Variants in CTNNA3 observed in about 807,000 individuals in gnomAD.
The protein encoded by CTNNA3 is catenin alpha 3.
A neutral mutation model predicts 95.7 loss-of-function variants in CTNNA3; 76 were observed. The observed-to-expected ratio is 0.79, with a 90% confidence interval of 0.66 to 0.96. CTNNA3 has a LOEUF of 0.96. Among genes scored for constraint, CTNNA3 ranks in the 40% least tolerant of loss-of-function variants. The pLI is 0.00. For missense variants in CTNNA3, 1,191 were observed against 1,089.8 expected (o/e 1.09, Z -1.31); for synonymous variants, 431 against 374.4 (o/e 1.15, Z -1.74).
chr10:67,655,300 C>T (rs73270185), intron 1 of CTNNA3, among the ~76,000 whole-genome samples: 13,169 of 152,162 alleles, frequency 0.087, 1,311 homozygotes, highest in African/African-American at 0.24. Context: ...TTTAGTGAAA[C>T]TCTATTTAGT....
intron 9 of CTNNA3, among the ~76,000 whole-genome samples, chr10:66,751,275 A>C (rs187210726): frequency 2.6e-5 from 4 of 152,102 alleles, no homozygotes; most frequent in African/African-American, 9.7e-5. Context: ...TGAAAAAAAA[A>C]ATTTCCACTT....
chr10:66,052,720 G>C (rs2079986072), intron 15 of CTNNA3, among the ~76,000 whole-genome samples: 1 of 152,028 alleles, frequency 6.6e-6, no homozygotes. Flanking sequence ...TTGAGGCAGG[G>C]TTGAGATTTT....
At chr10:66,351,124 A>G (rs997146459) in intron 12 of CTNNA3, among the ~76,000 whole-genome samples, 3 of 152,074 alleles carry the variant, frequency 2.0e-5, no homozygotes, top group African/African-American at 4.8e-5. Context: ...TTATGACAGA[A>G]TTCAGTGAAT....
intron 10 of CTNNA3, among the ~76,000 whole-genome samples, chr10:66,568,680 G>T (rs1460910943): frequency 6.6e-6 from 1 of 151,954 alleles, no homozygotes; most frequent in Admixed American, 6.6e-5. Flanking sequence ...AAGCTAGGGA[G>T]CAATAGAACC....
chr10:66,013,241 C>G (rs935537615), intron 15 of CTNNA3, among the ~76,000 whole-genome samples: 2 of 152,114 alleles, frequency 1.3e-5, no homozygotes, highest in Non-Finnish European at 2.9e-5. Flanking sequence ...ATATTATTTT[C>G]ATGAAATACA....
intron 13 of CTNNA3, among the ~76,000 whole-genome samples, chr10:66,245,091 G>A (rs2090259297): frequency 6.6e-6 from 1 of 152,184 alleles, no homozygotes; most frequent in South Asian, 2.1e-4. Flanking sequence ...TCCCATGCCT[G>A]CCAAGGGTGA....
intron 9 of CTNNA3, among the ~76,000 whole-genome samples, chr10:66,668,292 C>A (rs1846528872): frequency 6.6e-6 from 1 of 152,010 alleles, no homozygotes; most frequent in South Asian, 2.1e-4. Flanking sequence ...AATATGTCTG[C>A]AAAAAGTAGG....
Position 67,564,291 on chromosome 10 carries a change from A to C in CTNNA3, c.293-24622T>G, listed in dbSNP as rs558958598. 3.6e-4 allele frequency among the ~76,000 whole-genome samples: 54 copies of C among 149,788 alleles called. 2 individuals are homozygous for C. Among genetic ancestry groups the C allele is most frequent in the African/African-American group, 1.1e-3 (45 of 40,614 alleles). ...GGATTAAGAAAATGTGGCACATATA[A>C]TCCATGGAATACTATGCAGTCATAA... On this transcript the variant is annotated intron_variant, in intron 3 of 17. Coordinates refer to ENST00000433211, the MANE Select transcript of CTNNA3 (RefSeq NM_013266.4).
At chr10:66,161,633 C>T (rs1251759953) in intron 13 of CTNNA3, among the ~76,000 whole-genome samples, 1 of 152,152 alleles carries the variant, frequency 6.6e-6, no homozygotes, top group Non-Finnish European at 1.5e-5. Context: ...TCTTAAGAGT[C>T]TTTCTTTCAT....
chr10:67,728,116 T>A (rs975712133), intron 1 of CTNNA3, among the ~76,000 whole-genome samples: 8 of 143,110 alleles, frequency 5.6e-5, no homozygotes, highest in African/African-American at 1.8e-4. Context: ...TATACATAGG[T>A]GTATATATAA....
chr10:66,955,386 C>T (rs1298284964), intron 7 of CTNNA3, among the ~76,000 whole-genome samples: 1 of 152,150 alleles, frequency 6.6e-6, no homozygotes, highest in East Asian at 1.9e-4. Context: ...TGTATAATAT[C>T]TTATTCTCAC....
rs1199303745 is a variant in CTNNA3, at chr10:66,522,054, C to T, written c.1375-1281G>A. Among the ~76,000 whole-genome samples, 6 of 152,218 alleles carry T rather than the reference C, an allele frequency of 3.9e-5. No homozygotes were observed. In the East Asian group the frequency reaches 1.2e-3, roughly 29 times the overall value. On this transcript the variant is annotated intron_variant, in intron 10 of 17. Coordinates refer to ENST00000433211, the MANE Select transcript of CTNNA3 (RefSeq NM_013266.4). ...TCTATGGTGTTGGCTATTGCTTGTG[C>T]TATTAATCATTGGTTTCCTTCAATT... is the stretch of plus-strand genomic sequence containing the variant.
chr10:66,875,768 T>A (rs1844593007), intron 7 of CTNNA3, among the ~76,000 whole-genome samples: 1 of 152,204 alleles, frequency 6.6e-6, no homozygotes, highest in Non-Finnish European at 1.5e-5. Context: ...ATTCATGCAA[T>A]TATTGTGGAG....
At chr10:66,581,392 C>T (rs1589448664) in intron 10 of CTNNA3, among the ~76,000 whole-genome samples, 1 of 144,040 alleles carries the variant, frequency 6.9e-6, no homozygotes, top group Non-Finnish European at 1.5e-5. Flanking sequence ...TTCACCACGT[C>T]CACCCGAGCA....
At chr10:66,653,177 C>G (rs1845968410) in intron 9 of CTNNA3, among the ~76,000 whole-genome samples, 1 of 152,048 alleles carries the variant, frequency 6.6e-6, no homozygotes, top group Non-Finnish European at 1.5e-5. Context: ...AGTCAAATTG[C>G]CCCTCTTTGC....
intron 7 of CTNNA3, among the ~76,000 whole-genome samples, chr10:66,843,387 A>G (rs1464703418): frequency 1.3e-5 from 2 of 152,330 alleles, no homozygotes; most frequent in Admixed American, 6.5e-5. Flanking sequence ...GCATCCAGGT[A>G]TAAGAATCAG....
chr10:67,228,949 C>A lies in CTNNA3; in HGVS notation c.580-9079G>T, dbSNP rs754271561. ...TTCCACAAGATAGAGAAAGAAGGAA[C>A]CCTCCCTAATTCACTCTATGAAGCC... is the stretch of plus-strand genomic sequence containing the variant. On this transcript the variant is annotated intron_variant, in intron 5 of 17. Coordinates refer to ENST00000433211, the MANE Select transcript of CTNNA3 (RefSeq NM_013266.4). 6.6e-5 allele frequency among the ~76,000 whole-genome samples: 10 copies of A among 152,200 alleles called. No individual in the cohort carries two copies. The South Asian group carries it at 1.9e-3, about 28-fold the overall frequency.
intron 6 of CTNNA3, among the ~76,000 whole-genome samples, chr10:67,181,882 T>C (rs970638235): frequency 6.6e-6 from 1 of 152,060 alleles, no homozygotes; most frequent in Admixed American, 6.6e-5. Context: ...TACTATAAAA[T>C]GTGAGGGGTT....
At chr10:66,566,904 G>A (rs1332297094) in intron 10 of CTNNA3, among the ~76,000 whole-genome samples, 1 of 150,952 alleles carries the variant, frequency 6.6e-6, no homozygotes. Context: ...AACACAAAGA[G>A]AGGGAGAGAA....
Sources: allele counts gnomAD v4.1 joint callset (sites outside exome capture counted in the v4.1 genomes callset), GRCh38; gene constraint gnomAD v4.1.1; transcripts MANE v1.5; gene names NCBI Gene and HGNC (gene_info 2026-07-23, HGNC 2026-07-21).